Variants in BACH2 observed in about 807,000 individuals in gnomAD.
BACH2 encodes the protein transcription regulator protein BACH2.
A neutral mutation model predicts 61.8 loss-of-function variants in BACH2; 5 were observed. That is an observed-to-expected ratio of 0.08 (90% confidence interval 0.04 to 0.17). The LOEUF (loss-of-function observed/expected upper bound fraction) is 0.17, where lower values mean the gene tolerates loss of function less well. BACH2 is among the 10% of genes least tolerant of loss of function. The probability of loss-of-function intolerance (pLI) is 1.00; values close to 1 mark genes in which losing one functional copy is unlikely to be tolerated. For missense variants in BACH2, 824 were observed against 1,091.1 expected (o/e 0.76, Z 3.45); for synonymous variants, 446 against 440.1 (o/e 1.01, Z -0.17).
At chr6:89,946,519 A>C (rs1032046988) in intron 7 of BACH2, among the ~76,000 whole-genome samples, 1 of 152,250 alleles carries the variant, frequency 6.6e-6, no homozygotes, top group African/African-American at 2.4e-5. Context: ...TTATTGCAGC[A>C]ATGTTTATCA....
intron 4 of BACH2, among the ~76,000 whole-genome samples, chr6:90,108,580 ACAGCCTGAGAT>A (rs66512357): frequency 0.27 from 41,642 of 151,816 alleles, 6,876 homozygotes; most frequent in Non-Finnish European, 0.38. Flanking sequence ...AGCTTGGGAA[ACAGCCTGAGAT>A]CAGCCTGAGA....
At chr6:90,151,996 A>AT (rs1784827484) in intron 4 of BACH2, among the ~76,000 whole-genome samples, 1 of 152,228 alleles carries the variant, frequency 6.6e-6, no homozygotes, top group Non-Finnish European at 1.5e-5. Context: ...GCTGAATATA[A>AT]TTTGCACTTT....
intron 6 of BACH2, among the ~76,000 whole-genome samples, chr6:89,974,969 G>A (rs1239143047): frequency 6.6e-6 from 1 of 152,158 alleles, no homozygotes; most frequent in Non-Finnish European, 1.5e-5. Context: ...TCTGAAGTGC[G>A]GAAAGTGGAG....
chr6:90,224,082 T>A (rs908507061), intron 3 of BACH2, among the ~76,000 whole-genome samples: 1 of 152,344 alleles, frequency 6.6e-6, no homozygotes, highest in East Asian at 1.9e-4. Context: ...AAGGCACAGT[T>A]GTATTGGAAA....
At chr6:90,065,513 G>T (rs1214123851) in intron 5 of BACH2, among the ~76,000 whole-genome samples, 3 of 151,992 alleles carry the variant, frequency 2.0e-5, no homozygotes, top group Non-Finnish European at 4.4e-5. Flanking sequence ...CTCTGCTGTT[G>T]TAGTGCAGAA....
intron 5 of BACH2, among the ~76,000 whole-genome samples, chr6:90,078,806 G>C (rs962808822): frequency 2.0e-5 from 3 of 152,154 alleles, no homozygotes; most frequent in Admixed American, 6.5e-5. Flanking sequence ...GCTAAGCTAA[G>C]ATTTGATCCG....
At chr6:89,966,782 G>A (rs984928511) in intron 6 of BACH2, among the ~76,000 whole-genome samples, 1 of 152,188 alleles carries the variant, frequency 6.6e-6, no homozygotes, top group Non-Finnish European at 1.5e-5. Context: ...AAATGACATT[G>A]ACAGTGACTG....
intron 5 of BACH2, among the ~76,000 whole-genome samples, chr6:90,039,740 C>T (rs1160049456): frequency 6.6e-6 from 1 of 151,996 alleles, no homozygotes; most frequent in Non-Finnish European, 1.5e-5. Context: ...AACTTAAAAA[C>T]AAAACAAAAC....
At chr6:90,181,328 G>GGT (rs10593294) in intron 4 of BACH2, among the ~76,000 whole-genome samples, 6,716 of 148,360 alleles carry the variant, frequency 0.045, 400 homozygotes, top group African/African-American at 0.14. Context: ...CCCACTGTGT[G>GGT]GTGTGTGTGT....
intron 4 of BACH2, among the ~76,000 whole-genome samples, chr6:90,188,261 G>A (rs187763783): frequency 4.7e-4 from 72 of 152,254 alleles, no homozygotes; most frequent in Admixed American, 2.3e-3. Context: ...CTGATAGAAT[G>A]TCAGTAGACA....
chr6:89,941,450 T>C (rs1480956228), intron 7 of BACH2, among the ~76,000 whole-genome samples: 1 of 152,194 alleles, frequency 6.6e-6, no homozygotes, highest in Non-Finnish European at 1.5e-5. Context: ...AAAATCGCAG[T>C]AGGGCCCATG....
chr6:90,247,824 C>G (rs1224168176), intron 3 of BACH2, among the ~76,000 whole-genome samples: 1 of 152,186 alleles, frequency 6.6e-6, no homozygotes, highest in East Asian at 1.9e-4. Flanking sequence ...CAAAGTTGAA[C>G]CCATTCTTCA....
chr6:90,068,743 A>G (rs1255180895), intron 5 of BACH2, among the ~76,000 whole-genome samples: 1 of 152,080 alleles, frequency 6.6e-6, no homozygotes, highest in Non-Finnish European at 1.5e-5. Flanking sequence ...AAAGCAACAT[A>G]GCTGAGTGGG....
chr6:90,230,102 T>C (rs571858121), intron 3 of BACH2, among the ~76,000 whole-genome samples: 1 of 152,290 alleles, frequency 6.6e-6, no homozygotes, highest in South Asian at 2.1e-4. Flanking sequence ...GGTTATGTCA[T>C]ATGAGTGAGG....
intron 6 of BACH2, among the ~76,000 whole-genome samples, chr6:89,984,575 C>T (rs1776135376): frequency 6.6e-6 from 1 of 152,040 alleles, no homozygotes; most frequent in Non-Finnish European, 1.5e-5. Context: ...AGGTACTGAA[C>T]CCTAAAAGCC....
intron 7 of BACH2, 56 bp from the exon 8 acceptor site, chr6:89,938,406 GC>G: frequency 6.8e-7 from 1 of 1,479,788 alleles, no homozygotes; most frequent in Non-Finnish European, 9.3e-7. Flanking sequence ...ATTCTGGCAG[GC>G]GGAACATCAA....
At chr6:90,211,505 A>G (rs1197202900) in intron 3 of BACH2, among the ~76,000 whole-genome samples, 1 of 151,894 alleles carries the variant, frequency 6.6e-6, no homozygotes, top group Non-Finnish European at 1.5e-5. Context: ...ATCACTGTTA[A>G]TGTGGTATAG....
chr6:90,096,597 A>G (rs1482683702), intron 4 of BACH2, among the ~76,000 whole-genome samples: 1 of 152,216 alleles, frequency 6.6e-6, no homozygotes, highest in Non-Finnish European at 1.5e-5. Flanking sequence ...TACATGAATG[A>G]AGATCAGTGT....
chr6:90,055,762 T>C (rs1780308960), intron 5 of BACH2, among the ~76,000 whole-genome samples: 1 of 152,152 alleles, frequency 6.6e-6, no homozygotes. Context: ...CCCAACAGAC[T>C]AACAGCTGAT....
Sources: gnomAD v4.1 joint callset for allele counts (sites outside exome capture counted in the v4.1 genomes callset) on GRCh38, gnomAD v4.1.1 for gene constraint, MANE v1.5 for transcripts, NCBI Gene and HGNC (gene_info 2026-07-23, HGNC 2026-07-21) for gene names.